ROBO2: variants seen among roughly 807,000 people sequenced by gnomAD.
ROBO2 encodes the protein roundabout guidance receptor 2, also known as roundabout homolog 2.
A neutral mutation model predicts 160.8 loss-of-function variants in ROBO2; 53 were observed. The ratio of observed to expected loss-of-function variants is 0.33; its 90% confidence interval spans 0.26 to 0.41. The LOEUF is 0.41. Ranked by LOEUF, ROBO2 falls within the 10% of genes least tolerant of loss-of-function variation. The pLI is 1.00. For missense variants in ROBO2, 1,577 were observed against 1,722.4 expected, an observed-to-expected ratio of 0.92 and a Z score of 1.49; for synonymous variants, 664 against 611.7, an observed-to-expected ratio of 1.09 and a Z score of -1.26.
intron 2 of ROBO2, among the ~76,000 whole-genome samples, chr3:77,227,444 A>G (rs2086627794): frequency 6.6e-6 from 1 of 152,228 alleles, no homozygotes; most frequent in Non-Finnish European, 1.5e-5. Flanking sequence ...AAATATTGAA[A>G]AAACTCTACT....
chr3:77,555,585 CTCTA>C (rs10542950), intron 8 of ROBO2, among the ~76,000 whole-genome samples: 84,520 of 151,338 alleles, frequency 0.56, 23,637 homozygotes, highest in Middle Eastern at 0.67. Context: ...TTTCCTTTTG[CTCTA>C]TCTTTTTCTC....
chr3:77,312,923 T>G (rs148148218), intron 2 of ROBO2, among the ~76,000 whole-genome samples: 1 of 152,318 alleles, frequency 6.6e-6, no homozygotes, highest in East Asian at 1.9e-4. Context: ...GTGTCCTTTA[T>G]TTACCTTTTC....
intron 2 of ROBO2, among the ~76,000 whole-genome samples, chr3:75,973,355 G>A (rs1220911506): frequency 6.6e-6 from 1 of 151,428 alleles, no homozygotes; most frequent in East Asian, 2.0e-4. Flanking sequence ...AACTTTCCAG[G>A]CTCAGTTTGG....
At chr3:77,527,051 T>C (rs2091233151) in intron 6 of ROBO2, among the ~76,000 whole-genome samples, 1 of 151,462 alleles carries the variant, frequency 6.6e-6, no homozygotes, top group South Asian at 2.1e-4. Flanking sequence ...TGCTAGTCTG[T>C]GACTTGAATA....
intron 2 of ROBO2, among the ~76,000 whole-genome samples, chr3:76,774,075 G>A (rs1286939490): frequency 6.6e-6 from 1 of 150,804 alleles, no homozygotes; most frequent in Non-Finnish European, 1.5e-5. Context: ...GAATAATTGA[G>A]CAAGCAGTAA....
At chr3:76,940,320 T>C (rs1424695665) in intron 2 of ROBO2, among the ~76,000 whole-genome samples, 2 of 152,134 alleles carry the variant, frequency 1.3e-5, no homozygotes, top group African/African-American at 2.4e-5. Context: ...ATTAGAACTA[T>C]AGACTTTTAA....
chr3:77,610,287 T>C (rs2153697683), intron 21 of ROBO2, among the ~76,000 whole-genome samples: 1 of 152,242 alleles, frequency 6.6e-6, no homozygotes, highest in South Asian at 2.1e-4. Flanking sequence ...TAAGCTTTTC[T>C]TGGCATACAA....
intron 2 of ROBO2, among the ~76,000 whole-genome samples, chr3:76,961,421 T>C: frequency 6.6e-6 from 1 of 152,136 alleles, no homozygotes; most frequent in Middle Eastern, 3.2e-3. Context: ...TTTTTGTGGA[T>C]CTAAGATATC....
chr3:76,720,724 C>T (rs532125887), intron 2 of ROBO2, among the ~76,000 whole-genome samples: 217 of 152,286 alleles, frequency 1.4e-3, no homozygotes, highest in African/African-American at 3.3e-3. Flanking sequence ...AAAATAATTT[C>T]GCTTTCCAAT....
At chr3:77,415,872 A>G (rs867755149) in intron 2 of ROBO2, among the ~76,000 whole-genome samples, 88 of 152,248 alleles carry the variant, frequency 5.8e-4, no homozygotes, top group Middle Eastern at 3.4e-3. Context: ...AGGAGGGCAT[A>G]TTACAGCTTA....
intron 16 of ROBO2, among the ~76,000 whole-genome samples, chr3:77,582,156 T>C (rs1330836061): frequency 6.6e-6 from 1 of 152,200 alleles, no homozygotes; most frequent in Non-Finnish European, 1.5e-5. Flanking sequence ...AAATTGCATA[T>C]TGTTAGGTGA....
intron 4 of ROBO2, among the ~76,000 whole-genome samples, chr3:77,487,402 G>C (rs2085502577): frequency 6.6e-6 from 1 of 152,100 alleles, no homozygotes; most frequent in Non-Finnish European, 1.5e-5. Flanking sequence ...TGTGGTGAGA[G>C]AGGCATTATT....
At position 77,317,341 on chromosome 3, in the gene ROBO2, G is replaced by C. The variant is rs565476432; in HGVS notation, c.389-160073G>C. The stretch of plus-strand genomic sequence containing the variant: ...GTCAGCCTCAGGCCACGTGCAAGCT[G>C]ACCGTCCACGCTCATCTCGGTGCCT... On this transcript the variant is annotated intron_variant, in intron 2 of 25. Coordinates refer to ENST00000461745, the Ensembl canonical transcript of ROBO2. The C allele has an allele frequency of 1.5e-5, 12 of 806,056 alleles. No individual in the cohort carries two copies. The East Asian group carries it at 1.5e-4, about 10-fold the overall frequency. 49.9% of individuals were successfully genotyped at this position (806,056 alleles called of 1,614,324 possible).
At chr3:75,947,242 A>C (rs1001246180) in intron 2 of ROBO2, among the ~76,000 whole-genome samples, 3 of 152,098 alleles carry the variant, frequency 2.0e-5, no homozygotes, top group African/African-American at 7.2e-5. Flanking sequence ...GATAGTTAGA[A>C]TCCAAGTGGA....
chr3:77,138,480 C>T (rs1418581551), intron 2 of ROBO2, among the ~76,000 whole-genome samples: 1 of 152,114 alleles, frequency 6.6e-6, no homozygotes, highest in East Asian at 1.9e-4. Flanking sequence ...GCAGCTGTCG[C>T]AGAATCTCTA....
chr3:77,361,753 A>C (rs2070037868), intron 2 of ROBO2, among the ~76,000 whole-genome samples: 1 of 152,184 alleles, frequency 6.6e-6, no homozygotes, highest in African/African-American at 2.4e-5. Flanking sequence ...AGTGGGGATT[A>C]AGTTTCCAAC....
intron 2 of ROBO2, among the ~76,000 whole-genome samples, chr3:77,424,250 C>T (rs543160629): frequency 6.6e-4 from 100 of 151,992 alleles, no homozygotes; most frequent in African/African-American, 1.3e-3. Flanking sequence ...TTTTAAAGGA[C>T]GGGTAGAATT....
At chr3:77,145,480 C>T (rs1423753627) in intron 2 of ROBO2, among the ~76,000 whole-genome samples, 2 of 152,216 alleles carry the variant, frequency 1.3e-5, no homozygotes, top group South Asian at 4.1e-4. Flanking sequence ...TTCTAAATAG[C>T]TTTATACAAT....
chr3:75,935,112 G>T (rs1005002409), intron 1 of ROBO2, among the ~76,000 whole-genome samples: 1 of 151,842 alleles, frequency 6.6e-6, no homozygotes, highest in Non-Finnish European at 1.5e-5. Context: ...CAAAGTGCTG[G>T]GATTACATGC....
Sources: allele counts gnomAD v4.1 joint callset (sites outside exome capture counted in the v4.1 genomes callset), GRCh38; gene constraint gnomAD v4.1.1; transcripts MANE v1.5; gene names NCBI Gene and HGNC (gene_info 2026-07-23, HGNC 2026-07-21).